PSG6: variants seen among roughly 807,000 people sequenced by gnomAD.
PSG6 encodes pregnancy-specific beta-1-glycoprotein 6.
A neutral mutation model predicts 43.3 loss-of-function variants in PSG6; 51 were observed. That is an observed-to-expected ratio of 1.18 (90% CI 0.94 to 1.49). PSG6 has a LOEUF of 1.49. Ranked by LOEUF, PSG6 falls within the 40% of genes most tolerant of loss-of-function variation. The probability of loss-of-function intolerance (pLI) is 0.00; values close to 1 mark genes in which losing one functional copy is unlikely to be tolerated. For synonymous variants in PSG6, 292 were observed against 197.6 expected (o/e 1.48, Z -4.01); for missense variants, 770 against 522.2 (o/e 1.47, Z -4.62).
chr19:42,903,074 A>G (rs1418335398), intron 5 of PSG6, among the ~76,000 whole-genome samples: 1 of 151,448 alleles, frequency 6.6e-6, no homozygotes, highest in Non-Finnish European at 1.5e-5. Context: ...TGGTGTAAAA[A>G]CTTTCCTGGT....
intron 3 of PSG6, chr19:42,910,259 C>T: frequency 1.8e-6 from 1 of 549,046 alleles, no homozygotes; most frequent in South Asian, 2.1e-5. Flanking sequence ...GTCACAGTGA[C>T]CCTGTGAGCC....
Position 42,910,679 on chromosome 19 carries a change from G to T in PSG6, c.607C>A (p.Leu203Ile), listed in dbSNP as rs770764386. 94 of 1,612,270 alleles carry T rather than the reference G, an allele frequency of 5.8e-5. 4 individuals carry two copies. Among genetic ancestry groups the T allele is most frequent in the South Asian group, 2.2e-4 (20 of 90,614 alleles). ...GCAATATACTTTGTGACACCAAATA[G>T]ATAGAGGGTCCTGTTGGTTTTGGAC... The part of the protein sequence containing the change: ...QLSKTNRTLY[L>I]FGVTKYIAGP... Residue 203 changes from leucine (L) to isoleucine (I), a missense_variant, in exon 3 of 6, where the codon CTA becomes ATA. Physicochemically the swap from Leu to Ile is conservative, Grantham distance 5. Coordinates refer to ENST00000187910, the MANE Select transcript of PSG6 (RefSeq NM_001031850.4).
Position 42,910,396 on chromosome 19 carries a change from C to G in PSG6, c.706+184G>C. On this transcript the variant is annotated intron_variant, in intron 3 of 5. Transcript: ENST00000187910. The stretch of plus-strand genomic sequence containing the variant: ...TCTCCCATGACAGGAGAAGCCTCTT[C>G]TCTCTTATTGTTGATCAAGCCTAGG... The G allele has an allele frequency of 3.4e-6, 5 of 1,470,552 alleles. No individual in the cohort carries two copies. In the South Asian group the frequency reaches 6.1e-5, roughly 18 times the overall value. 91.1% of individuals were successfully genotyped at this position (1,470,552 alleles called of 1,614,324 possible).
Position 42,915,006 on chromosome 19 carries a change from G to T in PSG6, c.427+1119C>A, listed in dbSNP as rs571860574. Among the ~76,000 whole-genome samples the T allele has an allele frequency of 1.9e-3, 291 of 151,708 alleles. 7 individuals carry two copies. The highest frequency in any genetic ancestry group is 6.8e-3 in the African/African-American group (283 of 41,358). ...GTACAGACTAATCAGCTGACCATTTGCTCTCACTCCTCTGAGGTTTGGATG... is the reference window on the plus strand; with the variant it reads ...GTACAGACTAATCAGCTGACCATTTTCTCTCACTCCTCTGAGGTTTGGATG... On this transcript the variant is annotated intron_variant, in intron 2 of 5. Transcript: ENST00000187910.
chr19:42,913,977 C>T (rs2122642684), intron 2 of PSG6, among the ~76,000 whole-genome samples: 1 of 151,886 alleles, frequency 6.6e-6, no homozygotes, highest in East Asian at 1.9e-4. Flanking sequence ...TCCTGTTTGG[C>T]AGACTTGGAG....
chr19:42,903,993 C>A (rs1385022767), intron 5 of PSG6, among the ~76,000 whole-genome samples: 1 of 151,422 alleles, frequency 6.6e-6, no homozygotes. Context: ...AATTGTATGC[C>A]AATAAATTGG....
Position 42,907,736 on chromosome 19 carries a change from A to T in PSG6, c.825T>A (p.Asn275Lys). 6.2e-7 allele frequency: 1 copy of T among 1,610,850 alleles called. No homozygotes were observed. Among genetic ancestry groups the T allele is most frequent in the Non-Finnish European group, 8.5e-7 (1 of 1,179,118 alleles). ...TCGGACTGACCGGGAGGCTCTGACCATTTAGCCACCAAATGTAGGTGTAGT... is the reference window on the plus strand; with the variant it reads ...TCGGACTGACCGGGAGGCTCTGACCTTTTAGCCACCAAATGTAGGTGTAGT... ...SRNYTYIWWL[N>K]GQSLPVSPRV... The change falls in exon 4 of 6, where the codon AAT (asparagine) becomes AAA (lysine). Residue 275 changes from asparagine to lysine, a missense_variant. Physicochemically the swap from Asn to Lys is moderately conservative, Grantham distance 94 (BLOSUM62 0). Transcript: ENST00000187910.
At position 42,909,878 on chromosome 19, in the gene PSG6, T is replaced by C. The variant is rs367798300; in HGVS notation, c.706+702A>G. 1.3e-4 allele frequency: 21 copies of C among 158,818 alleles called. 1 individual carries two copies. Among genetic ancestry groups the C allele is most frequent in the East Asian group, 6.6e-4 (4 of 6,068 alleles). The allele number at this position is 158,818 out of a possible 1,614,324, so 9.8% of individuals were successfully genotyped here. Reference sequence around the variant, plus strand: ...TCTTCCCTGACAGCTAGATAGACTTTACTGGAAAACATGGTGCCAATGCTC... The same window carrying C: ...TCTTCCCTGACAGCTAGATAGACTTCACTGGAAAACATGGTGCCAATGCTC... On this transcript the variant is annotated intron_variant, in intron 3 of 5. Coordinates refer to ENST00000187910, the MANE Select transcript of PSG6 (RefSeq NM_001031850.4).
chr19:42,902,523 C>T (rs1235980360), intron 5 of PSG6, 77 bp from the exon 6 acceptor site: 3 of 1,579,372 alleles, frequency 1.9e-6, no homozygotes, highest in Non-Finnish European at 2.6e-6. Context: ...TTCCCACAGG[C>T]TCCCAGCAAG....
intron 2 of PSG6, among the ~76,000 whole-genome samples, chr19:42,915,115 TG>T: frequency 6.6e-6 from 1 of 151,614 alleles, no homozygotes; most frequent in Admixed American, 6.6e-5. Flanking sequence ...GAGGAGAGGA[TG>T]GGCCTGTGGC....
Position 42,908,734 on chromosome 19 carries a change from G to A in PSG6, c.707-880C>T, listed in dbSNP as rs558059481. On this transcript the variant is annotated intron_variant, in intron 3 of 5. Coordinates refer to ENST00000187910, the MANE Select transcript of PSG6 (RefSeq NM_001031850.4). ...TGGAAATCTAGTCCTCATGGACCAT[G>A]TGTGTTTGATGGATATGAGACAAAT... Among the ~76,000 whole-genome samples the A allele has an allele frequency of 5.5e-4, 84 of 151,790 alleles. 3 individuals carry two copies. Among genetic ancestry groups the A allele is most frequent in the Non-Finnish European group, 9.4e-4 (64 of 67,938 alleles).
chr19:42,906,965 G>A lies in PSG6; in HGVS notation c.1197C>T (p.Ala399=). Residue 399 remains alanine (A), a synonymous_variant, in exon 5 of 6, where the codon GCC becomes GCT. Transcript: ENST00000187910. ...TGGATTTGGAGATTTCCTTGCCAGTGGCTGAGTTACGAACAGAGCAAGCAT... is the reference window on the plus strand; with the variant it reads ...TGGATTTGGAGATTTCCTTGCCAGTAGCTGAGTTACGAACAGAGCAAGCAT... The part of the protein sequence containing the change: ...GLYACSVRNS[A]TGKEISKSMI... 1 of 1,612,448 alleles carries A rather than the reference G, an allele frequency of 6.2e-7. No individual in the cohort carries two copies. The highest frequency in any genetic ancestry group is 1.1e-5 in the South Asian group (1 of 90,838).
At chr19:42,909,505 G>T (rs1331608192) in intron 3 of PSG6, among the ~76,000 whole-genome samples, 1 of 151,594 alleles carries the variant, frequency 6.6e-6, no homozygotes, top group Middle Eastern at 3.2e-3. Context: ...CAATTGGGTA[G>T]TATTGCCTTT....
rs1489333129 is a variant in PSG6, at chr19:42,917,805, C to T, written c.-13G>A. The T allele has an allele frequency of 3.7e-6, 6 of 1,607,654 alleles. No individual in the cohort carries two copies. The highest frequency in any genetic ancestry group is 4.2e-6 in the Non-Finnish European group (5 of 1,176,596). The stretch of plus-strand genomic sequence containing the variant: ...AGAGGGGTCCCATGGTCTCTGCTGT[C>T]TGTGTGTTCTCCCCTGTGGAGATGA... On this transcript the variant is annotated 5_prime_UTR_variant, in exon 1 of 6. Coordinates refer to ENST00000187910, the MANE Select transcript of PSG6 (RefSeq NM_001031850.4).
intron 5 of PSG6, among the ~76,000 whole-genome samples, chr19:42,905,865 T>G (rs537282231): frequency 1.3e-5 from 2 of 151,724 alleles, no homozygotes; most frequent in Admixed American, 1.3e-4. Flanking sequence ...ATAGTTAGAA[T>G]AGCCAGTTAC....
At position 42,916,280 on chromosome 19, in the gene PSG6, C is replaced by G; in HGVS notation, c.272G>C (p.Gly91Ala). ...TGTTTCTCGTCCACTGTAGGCAGGCCCATATATAATTTGACCGTGTACTAC... is the reference window on the plus strand; with the variant it reads ...TGTTTCTCGTCCACTGTAGGCAGGCGCATATATAATTTGACCGTGTACTAC... ...SYVVHGQIIY[G>A]PAYSGRETVY... The change falls in exon 2 of 6, where the codon GGG (glycine) becomes GCG (alanine). Residue 91 changes from glycine to alanine, a missense_variant. Transcript: ENST00000187910. The G allele has an allele frequency of 6.2e-7, 1 of 1,611,998 alleles. No homozygotes were observed. Among genetic ancestry groups the G allele is most frequent in the Non-Finnish European group, 8.5e-7 (1 of 1,179,058 alleles).
intron 1 of PSG6, 54 bp from the exon 2 acceptor site, chr19:42,916,541 A>G: frequency 6.4e-7 from 1 of 1,566,372 alleles, no homozygotes; most frequent in Non-Finnish European, 8.6e-7. Flanking sequence ...TTGGGGTGAA[A>G]AGATGGGGCC....
chr19:42,917,633 C>G, intron 1 of PSG6, 96 bp downstream of exon 1: 1 of 1,543,560 alleles, frequency 6.5e-7, no homozygotes, highest in Non-Finnish European at 8.9e-7. Context: ...TAAGTGCTGG[C>G]TTCTTTTATT....
Position 42,907,572 on chromosome 19 carries a change from T to G in PSG6, c.985+4A>C, listed in dbSNP as rs1346720283. On this transcript the variant is annotated splice_donor_region_variant and intron_variant, in intron 4 of 5. Transcript: ENST00000187910. ...TGGCCCACAGAGGAACAAAGGATAC[T>G]CACAGAGGACATTCAGGGTGACTGG... 1.2e-6 allele frequency: 2 copies of G among 1,611,242 alleles called. No individual in the cohort carries two copies. The highest frequency in any genetic ancestry group is 2.2e-5 in the South Asian group (2 of 90,744).
Sources: gnomAD v4.1 joint callset for allele counts (sites outside exome capture counted in the v4.1 genomes callset) on GRCh38, gnomAD v4.1.1 for gene constraint, MANE v1.5 for transcripts, NCBI Gene and HGNC (gene_info 2026-07-23, HGNC 2026-07-21) for gene names.